The following TJP1 variants were observed in gnomAD, a reference collection of about 807,000 sequenced individuals.
The protein encoded by TJP1 is tight junction protein 1.
TJP1 carries 43 observed loss-of-function variants against 194.2 expected under a neutral mutation model. That is an observed-to-expected ratio of 0.22 (90% confidence interval 0.17 to 0.29). The LOEUF is 0.29. TJP1 is among the 10% of genes least tolerant of loss of function. The probability of loss-of-function intolerance (pLI) is 1.00; values close to 1 mark genes in which losing one functional copy is unlikely to be tolerated. For synonymous variants in TJP1, 801 were observed against 779.0 expected (o/e 1.03, Z -0.47); for missense variants, 1,971 against 2,185.7 (o/e 0.90, Z 1.96).
chr15:29,843,165 G>GT (rs200717508), intron 2 of TJP1, among the ~76,000 whole-genome samples: 6,486 of 149,990 alleles, frequency 0.043, 161 homozygotes, highest in South Asian at 0.073. Flanking sequence ...TTTTCTTTCT[G>GT]TTTTTTTTCT....
At chr15:29,907,199 G>A (rs2152213649) in intron 2 of TJP1, among the ~76,000 whole-genome samples, 1 of 152,106 alleles carries the variant, frequency 6.6e-6, no homozygotes, top group Middle Eastern at 3.4e-3. Flanking sequence ...CATGAGGTCA[G>A]GAGATCGAGA....
In TJP1 at chr15:29,716,697, A is replaced by G; in HGVS notation, c.4116T>C (p.Pro1372=). The change falls in exon 23 of 28, where the codon CCT becomes CCC. Residue 1372 remains proline (P), a synonymous_variant. Transcript: ENST00000614355. ...FDRRSFENKP[P]AHIAASHLSE... is the part of the protein sequence containing the mutation. ...AGAGATGGCTGGCGGCAATGTGTGC[A>G]GGAGGCTTATTCTCAAAACTTCTTC... 2 of 1,614,162 alleles carry G rather than the reference A, an allele frequency of 1.2e-6. No individual in the cohort carries two copies. Among genetic ancestry groups the G allele is most frequent in the African/African-American group, 1.3e-5 (1 of 75,038 alleles).
intron 2 of TJP1, among the ~76,000 whole-genome samples, chr15:29,904,799 G>T (rs1240909245): frequency 6.6e-6 from 1 of 152,202 alleles, no homozygotes; most frequent in Non-Finnish European, 1.5e-5. Context: ...TGGGATTACA[G>T]TAGACCCTAA....
At chr15:29,890,874 C>A (rs540405068) in intron 2 of TJP1, among the ~76,000 whole-genome samples, 2 of 152,004 alleles carry the variant, frequency 1.3e-5, no homozygotes, top group Non-Finnish European at 2.9e-5. Flanking sequence ...ACTCTGCCAG[C>A]GAGATGTCTA....
intron 8 of TJP1, among the ~76,000 whole-genome samples, chr15:29,749,016 C>A (rs574749681): frequency 6.6e-6 from 1 of 151,696 alleles, no homozygotes; most frequent in Non-Finnish European, 1.5e-5. Context: ...ATTATGTGTT[C>A]GGAGTCAGGT....
At chr15:29,820,755 T>C (rs921764449) in intron 1 of TJP1, 55 of 581,626 alleles carry the variant, frequency 9.5e-5, no homozygotes, top group Admixed American at 5.9e-5. Flanking sequence ...TTATCCTAAA[T>C]CTCTGGATCA....
intron 2 of TJP1, among the ~76,000 whole-genome samples, chr15:29,846,456 G>A (rs1434065029): frequency 6.6e-6 from 1 of 152,036 alleles, no homozygotes; most frequent in African/African-American, 2.4e-5. Flanking sequence ...TTTGATATCA[G>A]GGAGTTACAC....
intron 2 of TJP1, among the ~76,000 whole-genome samples, chr15:29,835,185 G>T (rs1468794878): frequency 2.0e-5 from 3 of 152,036 alleles, no homozygotes; most frequent in Admixed American, 1.3e-4. Context: ...GTGAGATGTG[G>T]TTATCTGTAG....
At chr15:29,762,969 T>C (rs1472191722) in intron 5 of TJP1, among the ~76,000 whole-genome samples, 1 of 152,184 alleles carries the variant, frequency 6.6e-6, no homozygotes, top group African/African-American at 2.4e-5. Flanking sequence ...GACCATTTTA[T>C]TGATGACTAT....
In TJP1 at chr15:29,949,159, T is replaced by TACCTCCACCACCACCACCTCCATC. The variant is rs2055405955; in HGVS notation, c.306+7049_306+7072dup. 1.2e-4 allele frequency among the ~76,000 whole-genome samples: 6 copies of TACCTCCACCACCACCACCTCCATC among 50,508 alleles called. 1 individual carries two copies. The highest frequency in any genetic ancestry group is 1.4e-3 in the South Asian group (2 of 1,462). 33.1% of individuals were successfully genotyped at this position (50,508 alleles called of 152,430 possible). On this transcript the variant is annotated intron_variant, in intron 2 of 28. Coordinates refer to the TJP1 transcript ENST00000356107. ...CCTCCACCTTCACCACCTCCACTACTACCTCCACCACCACCACCTCCATCA... is the reference window on the plus strand; with the variant it reads ...CCTCCACCTTCACCACCTCCACTACTACCTCCACCACCACCACCTCCATCACCTCCACCACCACCACCTCCATCA...
At chr15:29,717,971 G>A (rs779970124) in intron 22 of TJP1, 50 bp downstream of exon 22, 8 of 1,490,536 alleles carry the variant, frequency 5.4e-6, no homozygotes, top group Non-Finnish European at 7.4e-6. Flanking sequence ...GACTAAGAGG[G>A]TTAAATTCCT....
At chr15:29,798,638 A>G (rs1030453505) in intron 2 of TJP1, among the ~76,000 whole-genome samples, 1 of 152,184 alleles carries the variant, frequency 6.6e-6, no homozygotes, top group African/African-American at 2.4e-5. Context: ...AACTTAAATA[A>G]TTACCATGGG....
At chr15:29,728,118 G>A (rs2043355963) in intron 15 of TJP1, 99 bp from the exon 16 acceptor site, 5 of 945,668 alleles carry the variant, frequency 5.3e-6, no homozygotes, top group East Asian at 5.0e-5. Context: ...GGACTGGATA[G>A]TACTTTGTTT....
intron 2 of TJP1, among the ~76,000 whole-genome samples, chr15:29,950,173 TACCTCC>T (rs1332043956): frequency 0.017 from 287 of 16,784 alleles, 21 homozygotes; most frequent in Middle Eastern, 0.17. Flanking sequence ...CCACAACCAC[TACCTCC>T]ACCTCCACCA....
At chr15:29,869,703 G>T (rs901886587) in intron 2 of TJP1, among the ~76,000 whole-genome samples, 2 of 150,184 alleles carry the variant, frequency 1.3e-5, no homozygotes, top group African/African-American at 2.5e-5. Flanking sequence ...CCGCTGCCCT[G>T]TTCCACCTGC....
chr15:29,783,896 C>G (rs1190468876), intron 2 of TJP1, among the ~76,000 whole-genome samples: 1 of 152,062 alleles, frequency 6.6e-6, no homozygotes, highest in Admixed American at 6.6e-5. Context: ...CAACAAACCC[C>G]TGTGACACAA....
At chr15:29,882,365 T>A (rs548542290) in intron 2 of TJP1, among the ~76,000 whole-genome samples, 2 of 152,312 alleles carry the variant, frequency 1.3e-5, no homozygotes, top group South Asian at 4.1e-4. Flanking sequence ...CATACCTTCA[T>A]CTCATTGCCA....
intron 1 of TJP1, among the ~76,000 whole-genome samples, chr15:29,967,142 T>G (rs2056362206): frequency 6.6e-6 from 1 of 151,940 alleles, no homozygotes; most frequent in South Asian, 2.1e-4. Flanking sequence ...GCCTCCCAAG[T>G]AGCTGAGATT....
chr15:29,806,829 A>G (rs1013417971), intron 1 of TJP1, among the ~76,000 whole-genome samples: 6 of 152,224 alleles, frequency 3.9e-5, no homozygotes, highest in Admixed American at 3.9e-4. Flanking sequence ...CAAAATATGT[A>G]TATTTGGACT....
Sources: gnomAD v4.1 joint callset for allele counts (sites outside exome capture counted in the v4.1 genomes callset) on GRCh38, gnomAD v4.1.1 for gene constraint, MANE v1.5 for transcripts, NCBI Gene and HGNC (gene_info 2026-07-23, HGNC 2026-07-21) for gene names.